Variants in DCC observed in about 807,000 individuals in gnomAD.
The protein encoded by DCC is netrin receptor DCC.
A neutral mutation model predicts 172.5 loss-of-function variants in DCC; 58 were observed. The observed-to-expected ratio is 0.34, with a 90% confidence interval of 0.27 to 0.42. The LOEUF (loss-of-function observed/expected upper bound fraction) is 0.42, where lower values mean the gene tolerates loss of function less well. DCC is among the 10% of genes least tolerant of loss of function. DCC has a pLI of 1.00. For synonymous variants in DCC, 709 were observed against 644.5 expected, an observed-to-expected ratio of 1.10 and a Z score of -1.52; for missense variants, 1,740 against 1,791.0, an observed-to-expected ratio of 0.97 and a Z score of 0.51.
At chr18:53,524,746 T>C (rs1450928624) in intron 27 of DCC, among the ~76,000 whole-genome samples, 4 of 152,010 alleles carry the variant, frequency 2.6e-5, no homozygotes, top group African/African-American at 9.7e-5. Context: ...AAAAAACCCA[T>C]GTAAATTGGA....
intron 10 of DCC, 72 bp from the exon 11 acceptor site, chr18:53,207,607 T>C (rs893544335): frequency 7.2e-7 from 1 of 1,383,178 alleles, no homozygotes; most frequent in Non-Finnish European, 1.0e-6. Context: ...AATTCACTGA[T>C]TGCACAGAAT....
chr18:53,406,136 G>T (rs1909636107), intron 19 of DCC, among the ~76,000 whole-genome samples: 1 of 152,112 alleles, frequency 6.6e-6, no homozygotes, highest in Admixed American at 6.5e-5. Flanking sequence ...GAAGAGTTAG[G>T]TCTTTCAGAG....
At chr18:52,850,349 C>T (rs1382471827) in intron 2 of DCC, among the ~76,000 whole-genome samples, 1 of 152,122 alleles carries the variant, frequency 6.6e-6, no homozygotes, top group African/African-American at 2.4e-5. Flanking sequence ...TTTTCGGAAA[C>T]ATTTCTCAGA....
intron 9 of DCC, among the ~76,000 whole-genome samples, chr18:53,180,407 C>T (rs531572977): frequency 3.3e-5 from 5 of 152,278 alleles, no homozygotes; most frequent in Admixed American, 2.0e-4. Context: ...GGCCCCCAGG[C>T]ATAATAATAA....
chr18:53,201,653 G>C (rs144761213), intron 9 of DCC, among the ~76,000 whole-genome samples: 2 of 151,994 alleles, frequency 1.3e-5, no homozygotes, highest in East Asian at 1.9e-4. Flanking sequence ...ACACATTTTT[G>C]GTTTGCTTTG....
intron 1 of DCC, among the ~76,000 whole-genome samples, chr18:52,374,332 C>T (rs760679669): frequency 1.8e-4 from 28 of 152,190 alleles, no homozygotes; most frequent in African/African-American, 2.9e-4. Flanking sequence ...ATTTCCCTTA[C>T]GATCCAAGCT....
intron 1 of DCC, among the ~76,000 whole-genome samples, chr18:52,539,949 G>A (rs2032392489): frequency 6.6e-6 from 1 of 152,094 alleles, no homozygotes; most frequent in South Asian, 2.1e-4. Context: ...AGATCAGTGG[G>A]AAATCCTGCT....
chr18:53,083,823 C>CAAAAATG (rs2042839342), intron 7 of DCC, among the ~76,000 whole-genome samples: 1 of 152,104 alleles, frequency 6.6e-6, no homozygotes, highest in Non-Finnish European at 1.5e-5. Flanking sequence ...CTATAAGGAA[C>CAAAAATG]AACAAAAATA....
At chr18:53,072,592 T>C (rs1296973839) in intron 7 of DCC, among the ~76,000 whole-genome samples, 1 of 152,138 alleles carries the variant, frequency 6.6e-6, no homozygotes, top group East Asian at 1.9e-4. Context: ...GTGTTTAATA[T>C]AGTGGCATAA....
At chr18:53,085,517 C>T (rs2042865123) in intron 7 of DCC, among the ~76,000 whole-genome samples, 1 of 152,080 alleles carries the variant, frequency 6.6e-6, no homozygotes, top group African/African-American at 2.4e-5. Flanking sequence ...ATCACCTAGT[C>T]ACCGTCTTAA....
chr18:52,499,277 GT>G (rs1368831273), intron 1 of DCC, among the ~76,000 whole-genome samples: 1 of 152,110 alleles, frequency 6.6e-6, no homozygotes, highest in Non-Finnish European at 1.5e-5. Context: ...GAGTCTCCCA[GT>G]TTGTTAAATG....
chr18:52,805,997 T>C (rs16955526), intron 2 of DCC, among the ~76,000 whole-genome samples: 6,104 of 152,332 alleles, frequency 0.04, 152 homozygotes, highest in Admixed American at 0.052. Context: ...GATATTACCA[T>C]GCTTGAGGTT....
At chr18:53,043,354 C>A (rs2042195500) in intron 5 of DCC, among the ~76,000 whole-genome samples, 1 of 151,798 alleles carries the variant, frequency 6.6e-6, no homozygotes, top group South Asian at 2.1e-4. Flanking sequence ...AGGAGAAATA[C>A]CTAATGTAGA....
chr18:53,191,995 A>G (rs201245050), intron 9 of DCC, among the ~76,000 whole-genome samples: 2 of 152,336 alleles, frequency 1.3e-5, no homozygotes, highest in East Asian at 1.9e-4. Flanking sequence ...TCCTGCTGCT[A>G]TCTCTGAACA....
intron 22 of DCC, among the ~76,000 whole-genome samples, chr18:53,446,462 G>T (rs1912618541): frequency 6.6e-6 from 1 of 152,162 alleles, no homozygotes; most frequent in African/African-American, 2.4e-5. Context: ...AAGCTGGAAA[G>T]GGGGCAATGT....
intron 5 of DCC, among the ~76,000 whole-genome samples, chr18:53,057,262 G>A (rs2042421028): frequency 6.6e-6 from 1 of 151,804 alleles, no homozygotes; most frequent in Admixed American, 6.6e-5. Flanking sequence ...GGGTAGTCAT[G>A]GCATAGAAAC....
At chr18:53,379,939 C>T (rs11876975) in intron 15 of DCC, among the ~76,000 whole-genome samples, 69,737 of 151,986 alleles carry the variant, frequency 0.46, 16,944 homozygotes, top group Non-Finnish European at 0.54. Context: ...ATGATTAAAT[C>T]ACAGTAAATT....
At chr18:52,941,016 A>G (rs1352286127) in intron 5 of DCC, 1 of 152,184 alleles carries the variant, frequency 6.6e-6, no homozygotes, top group East Asian at 1.9e-4. Flanking sequence ...ATATTATAGT[A>G]AGACCAGATG....
chr18:53,347,489 G>A (rs186903273), intron 15 of DCC, among the ~76,000 whole-genome samples: 273 of 152,224 alleles, frequency 1.8e-3, no homozygotes, highest in African/African-American at 5.9e-3. Context: ...AGCTGTTATT[G>A]TGAACATTCT....
Sources: gnomAD v4.1 joint callset for allele counts (sites outside exome capture counted in the v4.1 genomes callset) on GRCh38, gnomAD v4.1.1 for gene constraint, MANE v1.5 for transcripts, NCBI Gene and HGNC (gene_info 2026-07-23, HGNC 2026-07-21) for gene names.